The following CDKN1A variants were observed in gnomAD, a reference collection of about 807,000 sequenced individuals.
The protein encoded by CDKN1A is cyclin dependent kinase inhibitor 1A.
A neutral mutation model predicts 14.8 loss-of-function variants in CDKN1A; 14 were observed. The ratio of observed to expected loss-of-function variants is 0.94; its 90% CI spans 0.62 to 1.48. The LOEUF is 1.48. Ranked by LOEUF, CDKN1A falls within the 40% of genes most tolerant of loss-of-function variation. The pLI, the probability that CDKN1A is intolerant of heterozygous loss-of-function variation, is 0.00. For synonymous variants in CDKN1A, 92 were observed against 93.5 expected, an observed-to-expected ratio of 0.98 and a Z score of 0.09; for missense variants, 203 against 231.7, an observed-to-expected ratio of 0.88 and a Z score of 0.80.
intron 1 of CDKN1A, among the ~76,000 whole-genome samples, chr6:36,681,816 A>G (rs2376620): frequency 0.19 from 28,808 of 151,608 alleles, 2,823 homozygotes; most frequent in South Asian, 0.29. Flanking sequence ...GGATGGTCTC[A>G]ATCTCCTGAC....
At chr6:36,681,943 G>T (rs946623471) in intron 1 of CDKN1A, among the ~76,000 whole-genome samples, 6 of 152,084 alleles carry the variant, frequency 3.9e-5, no homozygotes, top group African/African-American at 1.4e-4. Context: ...CAGGGTCTCA[G>T]CTAGTTGCCC....
intron 1 of CDKN1A, among the ~76,000 whole-genome samples, chr6:36,681,197 C>T (rs2894408): frequency 0.99 from 150,639 of 151,578 alleles, 74,854 homozygotes; most frequent in Middle Eastern, 1. Flanking sequence ...AATCTTCAAT[C>T]TGGATTAAGT....
intron 1 of CDKN1A, among the ~76,000 whole-genome samples, chr6:36,681,740 T>A (rs1762019899): frequency 6.6e-6 from 1 of 151,626 alleles, no homozygotes; most frequent in Admixed American, 6.6e-5. Context: ...CTACAGGTGC[T>A]GCCATCATGC....
chr6:36,679,003 GT>G, intron 1 of CDKN1A: 1 of 983,316 alleles, frequency 1.0e-6, no homozygotes, highest in Non-Finnish European at 1.2e-6. Flanking sequence ...AAGTGCGCGG[GT>G]GACGAGAGTC....
intron 2 of CDKN1A, among the ~76,000 whole-genome samples, chr6:36,685,172 C>G (rs1339057908): frequency 6.6e-6 from 1 of 152,174 alleles, no homozygotes; most frequent in Non-Finnish European, 1.5e-5. Context: ...GGAAACCAGG[C>G]TCAGAGAGGT....
chr6:36,684,075 C>A lies in CDKN1A; in HGVS notation c.-5-22C>A. 6.2e-7 allele frequency: 1 copy of A among 1,611,462 alleles called. No individual in the cohort carries two copies. The highest frequency in any genetic ancestry group is 8.5e-7 in the Non-Finnish European group (1 of 1,179,262). On this transcript the variant is annotated intron_variant, in intron 1 of 2. Transcript: ENST00000244741. The surrounding 1 kb of genome is among the most constrained non-coding windows in gnomAD (Gnocchi z 6.0). ...GTCTAATCTCCGCCGTGACCAGGGC[C>A]TTCCTTGTATCTCTGCTGCAGGCGC...
At position 36,682,957 on chromosome 6, in the gene CDKN1A, G is replaced by A. The variant is rs3176346; in HGVS notation, c.-5-1140G>A. On this transcript the variant is annotated intron_variant, in intron 1 of 2. Transcript: ENST00000244741. ...CAGCCTGGGAGAAATCATCCCTTGC[G>A]CTGCCCCGCCCGGCCCCTCCTTACC... is the stretch of plus-strand genomic sequence containing the variant. Among the ~76,000 whole-genome samples, 95 of 152,272 alleles carry A rather than the reference G, an allele frequency of 6.2e-4. No homozygotes were observed. In the East Asian group the frequency reaches 0.016, roughly 25 times the overall value.
At chr6:36,681,330 T>A (rs1376086827) in intron 1 of CDKN1A, among the ~76,000 whole-genome samples, 1 of 103,612 alleles carries the variant, frequency 9.7e-6, no homozygotes, top group African/African-American at 3.5e-5. Flanking sequence ...CTTTCTTTCT[T>A]TCTTTTTCTT....
chr6:36,678,906 G>A lies in CDKN1A; in HGVS notation c.-6+108G>A. On this transcript the variant is annotated intron_variant, in intron 1 of 2. Transcript: ENST00000244741. The surrounding 1 kb of genome is among the most constrained non-coding windows in gnomAD (Gnocchi z 5.7). ...TGTCCGCGAGGATGCGTGTTCGCGG[G>A]TGTGTGCTGCGTTCACAGGTGTTTC... The A allele has an allele frequency of 1.0e-6, 1 of 986,012 alleles. No homozygotes were observed. Among genetic ancestry groups the A allele is most frequent in the Non-Finnish European group, 1.2e-6 (1 of 830,288 alleles). The allele number at this position is 986,012 out of a possible 1,614,324, so 61.1% of individuals were successfully genotyped here.
At chr6:36,685,018 T>C (rs552900924) in intron 2 of CDKN1A, among the ~76,000 whole-genome samples, 4 of 152,268 alleles carry the variant, frequency 2.6e-5, no homozygotes, top group Admixed American at 6.5e-5. Flanking sequence ...TTTTTGAGTT[T>C]TTGTAGAGAC....
chr6:36,684,437 C>T lies in CDKN1A; in HGVS notation c.336C>T (p.Asp112=), dbSNP rs752126483. 6.2e-7 allele frequency: 1 copy of T among 1,613,988 alleles called. No homozygotes were observed. The highest frequency in any genetic ancestry group is 1.7e-4 in the Middle Eastern group (1 of 6,060). The stretch of plus-strand genomic sequence containing the variant: ...GGACAGCAGAGGAAGACCATGTGGA[C>T]CTGTCACTGTCTTGTACCCTTGTGC... ...LQGTAEEDHV[D]LSLSCTLVPR... The change falls in exon 2 of 3, where the codon GAC becomes GAT. Residue 112 remains aspartate, a synonymous_variant. Coordinates refer to ENST00000244741, the MANE Select transcript of CDKN1A (RefSeq NM_000389.5). This position sits in a 1 kb window ranked among gnomAD's most constrained non-coding sequence, Gnocchi z 6.0.
Position 36,684,351 on chromosome 6 carries a change from C to T in CDKN1A, c.250C>T (p.Arg84Ter), listed in dbSNP as rs781404776. The part of the protein sequence containing the change: ...PKLYLPTGPR[R>*]GRDELGGGRR... ...GCTCTACCTTCCCACGGGGCCCCGGCGAGGCCGGGATGAGTTGGGAGGAGG... is the reference window on the plus strand; with the variant it reads ...GCTCTACCTTCCCACGGGGCCCCGGTGAGGCCGGGATGAGTTGGGAGGAGG... The change falls in exon 2 of 3, where the codon CGA becomes TGA. Residue 84 changes from arginine to a stop codon, truncating the protein, a stop_gained. Transcript: ENST00000244741. LOFTEE classifies it high-confidence loss of function. The surrounding 1 kb of genome is among the most constrained non-coding windows in gnomAD (Gnocchi z 6.0). 31 of 1,613,168 alleles carry T rather than the reference C, an allele frequency of 1.9e-5. No homozygotes were observed. Among genetic ancestry groups the T allele is most frequent in the Non-Finnish European group, 2.5e-5 (30 of 1,179,898 alleles).
chr6:36,684,619 G>A lies in CDKN1A; in HGVS notation c.445+73G>A, dbSNP rs1454757306. The A allele has an allele frequency of 1.7e-5, 24 of 1,436,034 alleles. No homozygotes were observed. Among genetic ancestry groups the A allele is most frequent in the Non-Finnish European group, 2.1e-5 (22 of 1,028,330 alleles). The allele number at this position is 1,436,034 out of a possible 1,614,324, so 89.0% of individuals were successfully genotyped here. ...GAATCCATGGTCCAAGGGCTGACCT[G>A]TCTGGTCCTGGTCCAGCATGCTCCA... is the stretch of plus-strand genomic sequence containing the variant. On this transcript the variant is annotated intron_variant, in intron 2 of 2. Coordinates refer to ENST00000244741, the MANE Select transcript of CDKN1A (RefSeq NM_000389.5). The surrounding 1 kb of genome is among the most constrained non-coding windows in gnomAD (Gnocchi z 6.0).
At chr6:36,680,307 C>CGTGTGTGTGTGT (rs59454180) in intron 1 of CDKN1A, among the ~76,000 whole-genome samples, 5,154 of 133,180 alleles carry the variant, frequency 0.039, 156 homozygotes, top group Non-Finnish European at 0.045. Context: ...TCTGCGCGGG[C>CGTGTGTGTGTGT]GTGTGTGTGT....
chr6:36,685,564 TG>T (rs1405167288), intron 2 of CDKN1A, among the ~76,000 whole-genome samples, 186 bp from the exon 3 acceptor site: 2 of 152,232 alleles, frequency 1.3e-5, no homozygotes, highest in Non-Finnish European at 2.9e-5. Flanking sequence ...CTGTGAAGCA[TG>T]GTGGGACACT....
intron 1 of CDKN1A, among the ~76,000 whole-genome samples, chr6:36,683,619 C>G (rs1459434688): frequency 6.6e-6 from 1 of 152,164 alleles, no homozygotes; most frequent in Non-Finnish European, 1.5e-5. Flanking sequence ...ACTTGGGGAT[C>G]TGGGTCGGGG....
intron 1 of CDKN1A, among the ~76,000 whole-genome samples, chr6:36,679,253 G>C (rs4647892): frequency 6.6e-6 from 1 of 152,214 alleles, no homozygotes; most frequent in African/African-American, 2.4e-5. Context: ...AGTGGAGTAA[G>C]TTCGTCTAGG....
chr6:36,681,336 T>C lies in CDKN1A; in HGVS notation c.-6+2538T>C, dbSNP rs71544405. 1.4e-3 allele frequency among the ~76,000 whole-genome samples: 155 copies of C among 109,396 alleles called. 6 individuals carry two copies. The highest frequency in any genetic ancestry group is 4.4e-3 in the Middle Eastern group (1 of 226). The allele number at this position is 109,396 out of a possible 152,430, so 71.8% of individuals were successfully genotyped here. A position where few individuals can be genotyped will look rare whatever the true frequency, so the allele number is the denominator to read the frequency against. ...TCTTTCTTTCTTTCTTTCTTTCTTT[T>C]TCTTTCTTTCTTTCTTTTTCTTTCT... On this transcript the variant is annotated intron_variant, in intron 1 of 2. Coordinates refer to ENST00000244741, the MANE Select transcript of CDKN1A (RefSeq NM_000389.5).
chr6:36,685,816 C>G lies in CDKN1A; in HGVS notation c.*16C>G, dbSNP rs1226999329. The G allele has an allele frequency of 6.2e-7, 1 of 1,613,608 alleles. No homozygotes were observed. Among genetic ancestry groups the G allele is most frequent in the Non-Finnish European group, 8.5e-7 (1 of 1,179,532 alleles). On this transcript the variant is annotated 3_prime_UTR_variant, in exon 3 of 3. Transcript: ENST00000244741. ...GAAGCCCTAATCCGCCCACAGGAAG[C>G]CTGCAGTCCTGGAAGCGCGAGGGCC...
Sources: gnomAD v4.1 joint callset for allele counts (sites outside exome capture counted in the v4.1 genomes callset) on GRCh38, gnomAD v4.1.1 for gene constraint, Gnocchi (gnomAD v3.1) non-coding constraint, MANE v1.5 for transcripts, NCBI Gene and HGNC (gene_info 2026-07-23, HGNC 2026-07-21) for gene names.